The following DDR2 variants were observed in gnomAD, a reference collection of about 807,000 sequenced individuals.
DDR2 encodes discoidin domain receptor tyrosine kinase 2.
Under a neutral mutation model 94.9 loss-of-function variants are expected in DDR2, and 27 were observed. The ratio of observed to expected loss-of-function variants is 0.28; its 90% CI spans 0.21 to 0.39. The LOEUF (loss-of-function observed/expected upper bound fraction) is 0.39, where lower values mean the gene tolerates loss of function less well. Ranked by LOEUF, DDR2 falls within the 10% of genes least tolerant of loss-of-function variation. The pLI, the probability that DDR2 is intolerant of heterozygous loss-of-function variation, is 1.00. For missense variants in DDR2, 783 were observed against 1,076.0 expected (o/e 0.73, Z 3.81); for synonymous variants, 382 against 377.2 (o/e 1.01, Z -0.15).
chr1:162,703,960 A>G (rs1372437161), intron 2 of DDR2, among the ~76,000 whole-genome samples: 1 of 152,182 alleles, frequency 6.6e-6, no homozygotes, highest in African/African-American at 2.4e-5. Flanking sequence ...AGATCTGCAC[A>G]TTCCTGCAGT....
At position 162,755,020 on chromosome 1, in the gene DDR2, GGCTGTGGGGAAA is replaced by G; in HGVS notation, c.418-133_418-122del. On this transcript the variant is annotated intron_variant, in intron 5 of 17. Coordinates refer to ENST00000367921, the MANE Select transcript of DDR2 (RefSeq NM_006182.4). Reference sequence around the variant, plus strand: ...GAGGGAGGCAGGGAAGGAATATCAAGGCTGTGGGGAAAGCAGAGTAGATGCATTCTGCTCCTC... The same window carrying G: ...GAGGGAGGCAGGGAAGGAATATCAAGGCAGAGTAGATGCATTCTGCTCCTC... 15 of 1,453,154 alleles carry G rather than the reference GGCTGTGGGGAAA, an allele frequency of 1.0e-5. No individual in the cohort carries two copies. In the Admixed American group the frequency reaches 2.7e-4, roughly 26 times the overall value. The allele number at this position is 1,453,154 out of a possible 1,614,324, so 90.0% of individuals were successfully genotyped here.
chr1:162,754,896 A>G, intron 5 of DDR2, 41 bp downstream of exon 5: 2 of 1,609,976 alleles, frequency 1.2e-6, no homozygotes, highest in South Asian at 2.2e-5. Flanking sequence ...GTCCAAGACC[A>G]TATTTTGACT....
intron 2 of DDR2, among the ~76,000 whole-genome samples, chr1:162,705,771 G>C (rs748778557): frequency 1.3e-5 from 2 of 152,192 alleles, no homozygotes; most frequent in African/African-American, 4.8e-5. Context: ...ACTGTCATCT[G>C]GCTAAGTTTC....
At position 162,758,526 on chromosome 1, in the gene DDR2, G is replaced by T. The variant is rs1327852641; in HGVS notation, c.672-1270G>T. 2.6e-5 allele frequency among the ~76,000 whole-genome samples: 4 copies of T among 151,960 alleles called. No individual in the cohort carries two copies. In the South Asian group the frequency reaches 8.3e-4, roughly 32 times the overall value. On this transcript the variant is annotated intron_variant, in intron 7 of 17. Transcript: ENST00000367921. ...CTTTCCTGGGATTTATTTTTCTGAG[G>T]ATAATGGGAAATATATTTATTGCAA... is the stretch of plus-strand genomic sequence containing the variant.
chr1:162,730,538 A>G (rs1156872403), intron 3 of DDR2, among the ~76,000 whole-genome samples: 2 of 152,218 alleles, frequency 1.3e-5, no homozygotes, highest in Non-Finnish European at 2.9e-5. Context: ...AATGATGTGT[A>G]CTGTCTATGT....
chr1:162,775,907 A>C, intron 15 of DDR2, 64 bp downstream of exon 15: 2 of 1,597,228 alleles, frequency 1.3e-6, no homozygotes, highest in Non-Finnish European at 1.7e-6. Context: ...ATCTGAAAAT[A>C]GGGAGCAGTG....
chr1:162,697,994 C>T (rs1660264691), intron 2 of DDR2, among the ~76,000 whole-genome samples: 1 of 152,136 alleles, frequency 6.6e-6, no homozygotes. Flanking sequence ...AAATCTATAG[C>T]TATTAACACT....
intron 4 of DDR2, among the ~76,000 whole-genome samples, 194 bp downstream of exon 4, chr1:162,753,391 C>T (rs1028847433): frequency 8.5e-5 from 13 of 152,196 alleles, no homozygotes; most frequent in Admixed American, 2.6e-4. Context: ...GCCACATGTA[C>T]TGGTCTGGCA....
chr1:162,702,982 T>A (rs1660495883), intron 2 of DDR2, among the ~76,000 whole-genome samples: 5 of 152,226 alleles, frequency 3.3e-5, no homozygotes, highest in Admixed American at 3.3e-4. Context: ...TTTTCTGATA[T>A]GTAATAAGTT....
intron 2 of DDR2, among the ~76,000 whole-genome samples, chr1:162,701,530 C>T (rs1243824134): frequency 6.6e-6 from 1 of 152,200 alleles, no homozygotes; most frequent in Non-Finnish European, 1.5e-5. Context: ...TTGTGTCAGG[C>T]TGATGTCAAG....
intron 11 of DDR2, 135 bp downstream of exon 11, chr1:162,767,494 G>A: frequency 7.5e-7 from 1 of 1,333,900 alleles, no homozygotes; most frequent in Non-Finnish European, 1.0e-6. Flanking sequence ...AAGAAACATA[G>A]GAATGAAGCC....
rs138187444 is a variant in DDR2 at position 162,649,228 on chromosome 1, A to G, written c.-191-5983A>G. On this transcript the variant is annotated intron_variant, in intron 1 of 17. Transcript: ENST00000367921. ...TGCAGGATGTCCCACAGTCTTTAATATGGTAATCAACATTTTGACTATCCA... is the reference window on the plus strand; with the variant it reads ...TGCAGGATGTCCCACAGTCTTTAATGTGGTAATCAACATTTTGACTATCCA... 2.1e-3 allele frequency among the ~76,000 whole-genome samples: 320 copies of G among 152,276 alleles called. 2 individuals are homozygous for G. The highest frequency in any genetic ancestry group is 7.3e-3 in the African/African-American group (302 of 41,560).
Position 162,778,981 on chromosome 1 carries a change from A to C in DDR2, c.2433+252A>C, listed in dbSNP as rs150248671. Among the ~76,000 whole-genome samples, 265 of 152,314 alleles carry C rather than the reference A, an allele frequency of 1.7e-3. 5 individuals carry two copies. The East Asian group carries it at 0.018, about 11-fold the overall frequency. ...GTCATGTCAGGTTTCTCCCCAGCTCAAAGGTAGCAGGAAACAAAGTCCTAT... is the reference window on the plus strand; with the variant it reads ...GTCATGTCAGGTTTCTCCCCAGCTCCAAGGTAGCAGGAAACAAAGTCCTAT... On this transcript the variant is annotated intron_variant, in intron 17 of 17. Coordinates refer to ENST00000367921, the MANE Select transcript of DDR2 (RefSeq NM_006182.4).
At chr1:162,636,759 G>A (rs921549725) in intron 1 of DDR2, among the ~76,000 whole-genome samples, 5 of 152,152 alleles carry the variant, frequency 3.3e-5, no homozygotes, top group Admixed American at 6.5e-5. Flanking sequence ...GAAGATGGTA[G>A]GTAATGCAAG....
rs529390471 is a variant in DDR2 at position 162,686,824 on chromosome 1, C to T, written c.-28+31450C>T. 7.3e-4 allele frequency among the ~76,000 whole-genome samples: 111 copies of T among 152,290 alleles called. No homozygotes were observed. The South Asian group carries it at 0.021, about 29-fold the overall frequency. On this transcript the variant is annotated intron_variant, in intron 2 of 17. Coordinates refer to ENST00000367921, the MANE Select transcript of DDR2 (RefSeq NM_006182.4). ...AACTCCTAACCTCAGGTTATCTGCC[C>T]GCCTTGGCCTCCCAAAGTACTGGGA...
chr1:162,744,589 C>T (rs1314630636), intron 3 of DDR2, among the ~76,000 whole-genome samples: 1 of 152,006 alleles, frequency 6.6e-6, no homozygotes, highest in African/African-American at 2.4e-5. Flanking sequence ...CATAGGTATA[C>T]ACGTGCCATG....
At chr1:162,733,074 A>G (rs189318423) in intron 3 of DDR2, among the ~76,000 whole-genome samples, 1 of 152,188 alleles carries the variant, frequency 6.6e-6, no homozygotes, top group East Asian at 1.9e-4. Flanking sequence ...GCATCAGAAA[A>G]CCGCTAAGAC....
In DDR2 at chr1:162,688,883, G is replaced by A. The variant is rs191841300; in HGVS notation, c.-27-30154G>A. 5.9e-5 allele frequency among the ~76,000 whole-genome samples: 9 copies of A among 152,334 alleles called. No individual in the cohort carries two copies. In the East Asian group the frequency reaches 1.7e-3, roughly 29 times the overall value. On this transcript the variant is annotated intron_variant, in intron 2 of 17. Coordinates refer to ENST00000367921, the MANE Select transcript of DDR2 (RefSeq NM_006182.4). ...TCACAGCTTGGTTGGTTCTGGCTGT[G>A]GGGCCGGCCTTCCTGAGACCCTTGT...
intron 2 of DDR2, among the ~76,000 whole-genome samples, chr1:162,671,528 A>G (rs1188482848): frequency 6.6e-6 from 1 of 152,148 alleles, no homozygotes; most frequent in African/African-American, 2.4e-5. Flanking sequence ...AGTGACTAAT[A>G]ACTACTGCCT....
Sources: allele counts gnomAD v4.1 joint callset (sites outside exome capture counted in the v4.1 genomes callset), GRCh38; gene constraint gnomAD v4.1.1; transcripts MANE v1.5; gene names NCBI Gene and HGNC (gene_info 2026-07-23, HGNC 2026-07-21).